The following ERBB4 variants were observed in gnomAD, a reference collection of about 807,000 sequenced individuals.
ERBB4 encodes erb-b2 receptor tyrosine kinase 4, also known as receptor tyrosine-protein kinase erbB-4.
In ERBB4, 42 loss-of-function variants were observed where a neutral mutation model predicts 158.0. That is an observed-to-expected ratio of 0.27 (90% CI 0.21 to 0.34). The LOEUF (loss-of-function observed/expected upper bound fraction) is 0.34. Ranked by LOEUF, ERBB4 falls within the 10% of genes least tolerant of loss-of-function variation. The pLI, the probability that ERBB4 is intolerant of heterozygous loss-of-function variation, is 1.00. For synonymous variants in ERBB4, 583 were observed against 558.7 expected, an observed-to-expected ratio of 1.04 and a Z score of -0.61; for missense variants, 1,333 against 1,624.1, an observed-to-expected ratio of 0.82 and a Z score of 3.08.
At chr2:211,693,873 C>G (rs2072913058) in intron 12 of ERBB4, among the ~76,000 whole-genome samples, 1 of 152,146 alleles carries the variant, frequency 6.6e-6, no homozygotes, top group Non-Finnish European at 1.5e-5. Flanking sequence ...CCTCCCCTAG[C>G]TTCTGGTGGT....
At chr2:211,937,483 T>C (rs1465425167) in intron 3 of ERBB4, among the ~76,000 whole-genome samples, 4 of 152,156 alleles carry the variant, frequency 2.6e-5, no homozygotes, top group Non-Finnish European at 1.5e-5. Flanking sequence ...CTTTTTCTAT[T>C]AGTCCATTCT....
intron 20 of ERBB4, among the ~76,000 whole-genome samples, chr2:211,546,297 T>C (rs2066937265): frequency 6.6e-6 from 1 of 152,110 alleles, no homozygotes; most frequent in Admixed American, 6.6e-5. Flanking sequence ...TTAAGGTGTG[T>C]AAAAATAATA....
chr2:211,460,525 T>C (rs2125500631), intron 20 of ERBB4, among the ~76,000 whole-genome samples: 1 of 152,310 alleles, frequency 6.6e-6, no homozygotes, highest in South Asian at 2.1e-4. Context: ...ACATAATCAC[T>C]GTTTTAAAAC....
intron 2 of ERBB4, among the ~76,000 whole-genome samples, chr2:212,085,902 C>T (rs1249665546): frequency 2.0e-5 from 3 of 151,716 alleles, no homozygotes; most frequent in Non-Finnish European, 4.4e-5. Flanking sequence ...ATCAAGATCA[C>T]CTAGTTCCAA....
intron 2 of ERBB4, among the ~76,000 whole-genome samples, chr2:212,053,440 G>C (rs998899406): frequency 6.6e-6 from 1 of 151,900 alleles, no homozygotes; most frequent in Non-Finnish European, 1.5e-5. Context: ...CCACCTCATA[G>C]TATGGGCCAC....
rs180869264 is a variant in ERBB4, at chr2:212,144,662, G to A, written c.83-19759C>T. Among the ~76,000 whole-genome samples, 66 of 152,232 alleles carry A rather than the reference G, an allele frequency of 4.3e-4. 1 individual carries two copies. Among genetic ancestry groups the A allele is most frequent in the African/African-American group, 1.5e-3 (64 of 41,560 alleles). On this transcript the variant is annotated intron_variant, in intron 1 of 27. Transcript: ENST00000342788. ...ATTTGCAAAGTTGTTTTATTCTTAT[G>A]TTCCAGTATATGGATCTTAATTCTC...
intron 1 of ERBB4, among the ~76,000 whole-genome samples, chr2:212,396,890 T>A (rs2106451462): frequency 6.6e-6 from 1 of 152,272 alleles, no homozygotes; most frequent in African/African-American, 2.4e-5. Flanking sequence ...TCCTACATTT[T>A]AAACAAATAA....
chr2:211,907,717 A>T (rs900430517), intron 3 of ERBB4, among the ~76,000 whole-genome samples: 9 of 150,774 alleles, frequency 6.0e-5, no homozygotes, highest in Admixed American at 1.3e-4. Context: ...ATACCTATTT[A>T]AAAAAAAATA....
At chr2:211,791,085 T>A (rs1056194996) in intron 3 of ERBB4, among the ~76,000 whole-genome samples, 3 of 151,908 alleles carry the variant, frequency 2.0e-5, no homozygotes, top group African/African-American at 7.2e-5. Flanking sequence ...TATTACTGTA[T>A]TAAAAAAATT....
chr2:212,114,249 G>A (rs1268899130), intron 2 of ERBB4, among the ~76,000 whole-genome samples: 1 of 152,190 alleles, frequency 6.6e-6, no homozygotes, highest in Non-Finnish European at 1.5e-5. Flanking sequence ...AAATATCTCT[G>A]AAGAAATTAT....
intron 20 of ERBB4, among the ~76,000 whole-genome samples, chr2:211,520,917 C>A (rs1477425044): frequency 6.6e-6 from 1 of 151,942 alleles, no homozygotes; most frequent in Non-Finnish European, 1.5e-5. Flanking sequence ...TGAATCATGC[C>A]CATATAAGAC....
At chr2:212,162,519 T>C (rs1214109022) in intron 1 of ERBB4, among the ~76,000 whole-genome samples, 1 of 151,856 alleles carries the variant, frequency 6.6e-6, no homozygotes. Context: ...TGATAAAACA[T>C]AGTGAATATG....
At chr2:212,326,184 C>T (rs1193897257) in intron 1 of ERBB4, among the ~76,000 whole-genome samples, 1 of 150,582 alleles carries the variant, frequency 6.6e-6, no homozygotes, top group Admixed American at 6.6e-5. Flanking sequence ...CCATAAAACA[C>T]TTCAGGTCAA....
rs144363860 is a variant in ERBB4 at position 212,134,148 on chromosome 2, A to G, written c.83-9245T>C. On this transcript the variant is annotated intron_variant, in intron 1 of 27. Transcript: ENST00000342788. Reference sequence around the variant, plus strand: ...TTTAAAACTAGGGTTTTTATTTCAGACTTGAATATTGCAATTTATCATATG... The same window carrying G: ...TTTAAAACTAGGGTTTTTATTTCAGGCTTGAATATTGCAATTTATCATATG... Among the ~76,000 whole-genome samples, 1,009 of 152,208 alleles carry G rather than the reference A, an allele frequency of 6.6e-3. 10 individuals are homozygous for G. The highest frequency in any genetic ancestry group is 0.01 in the Admixed American group (156 of 15,288).
At chr2:212,283,991 A>G (rs1052205726) in intron 1 of ERBB4, among the ~76,000 whole-genome samples, 3 of 151,848 alleles carry the variant, frequency 2.0e-5, no homozygotes, top group African/African-American at 4.9e-5. Context: ...TTTCTGTGAG[A>G]AAAACTTCAA....
At chr2:211,424,766 AT>A (rs2125413263) in intron 22 of ERBB4, among the ~76,000 whole-genome samples, 1 of 152,070 alleles carries the variant, frequency 6.6e-6, no homozygotes, top group East Asian at 1.9e-4. Context: ...TAATTACCTT[AT>A]GTTACAATAA....
chr2:212,380,048 A>G lies in ERBB4; in HGVS notation c.82+158401T>C, dbSNP rs528952024. The stretch of plus-strand genomic sequence containing the variant: ...GGCTAAGGACAGTAAGTCTCTTTAT[A>G]GCTGCCATCTAATAAGGTTTTTTAA... On this transcript the variant is annotated intron_variant, in intron 1 of 27. Transcript: ENST00000342788. Among the ~76,000 whole-genome samples the G allele has an allele frequency of 2.0e-5, 3 of 151,602 alleles. 1 individual carries two copies. Among genetic ancestry groups the G allele is most frequent in the African/African-American group, 7.2e-5 (3 of 41,494 alleles).
At chr2:212,369,931 T>C (rs1219131475) in intron 1 of ERBB4, among the ~76,000 whole-genome samples, 1 of 152,118 alleles carries the variant, frequency 6.6e-6, no homozygotes, top group Non-Finnish European at 1.5e-5. Flanking sequence ...GAAAAACATT[T>C]CATGTCTTCA....
intron 1 of ERBB4, among the ~76,000 whole-genome samples, chr2:212,366,455 T>C (rs2089894139): frequency 6.6e-6 from 1 of 151,980 alleles, no homozygotes; most frequent in Non-Finnish European, 1.5e-5. Flanking sequence ...CTTTCAGTGT[T>C]AAGGATACAA....
Sources: gnomAD v4.1 joint callset for allele counts (sites outside exome capture counted in the v4.1 genomes callset) on GRCh38, gnomAD v4.1.1 for gene constraint, MANE v1.5 for transcripts, NCBI Gene and HGNC (gene_info 2026-07-23, HGNC 2026-07-21) for gene names.